Variants in CCDC186 observed in about 807,000 individuals in gnomAD.
CCDC186 encodes coiled-coil domain containing 186.
A neutral mutation model predicts 113.7 loss-of-function variants in CCDC186; 49 were observed. The ratio of observed to expected loss-of-function variants is 0.43; its 90% CI spans 0.34 to 0.55. The LOEUF (loss-of-function observed/expected upper bound fraction) is 0.55. CCDC186 is among the 20% of genes least tolerant of loss of function. The pLI, the probability that CCDC186 is intolerant of heterozygous loss-of-function variation, is 0.02. For synonymous variants in CCDC186, 355 were observed against 345.8 expected, an observed-to-expected ratio of 1.03 and a Z score of -0.30; for missense variants, 890 against 1,011.1, an observed-to-expected ratio of 0.88 and a Z score of 1.62.
At chr10:114,149,067 G>A (rs1394602065) in intron 4 of CCDC186, among the ~76,000 whole-genome samples, 1 of 151,982 alleles carries the variant, frequency 6.6e-6, no homozygotes, top group Non-Finnish European at 1.5e-5. Flanking sequence ...AAGTTAGGGG[G>A]AAAAAAGGAA....
Position 114,162,878 on chromosome 10 carries a change from C to A in CCDC186, c.391G>T (p.Ala131Ser), listed in dbSNP as rs147799223. 4.2e-5 allele frequency: 68 copies of A among 1,613,922 alleles called. No homozygotes were observed. The South Asian group carries it at 5.6e-4, about 13-fold the overall frequency. ...CTTTCTGAATAAGTCTTTTCATTAG[C>A]TGATTCTGGAAATGTAGATGACCTT... ...ELRSSTFPES[A>S]NEKTYSESPY... The change falls in exon 2 of 16, where the codon GCT becomes TCT. Residue 131 changes from alanine to serine, a missense_variant. Physicochemically the swap from Ala to Ser is moderately conservative, Grantham distance 99 (BLOSUM62 1). Transcript: ENST00000369287.
At position 114,121,965 on chromosome 10, in the gene CCDC186, C is replaced by G. The variant is rs548309993; in HGVS notation, c.*3178G>C. ...TAGCTGGGACCCCAGCCATGTGCCA[C>G]TGCATCTGGCTAATTTTTTAATCTT... On this transcript the variant is annotated 3_prime_UTR_variant, in exon 16 of 16. Coordinates refer to ENST00000369287, the MANE Select transcript of CCDC186 (RefSeq NM_018017.4). 1 of 152,434 alleles carries G rather than the reference C, an allele frequency of 6.6e-6. No homozygotes were observed. Among genetic ancestry groups the G allele is most frequent in the South Asian group, 2.1e-4 (1 of 4,826 alleles). The allele number at this position is 152,434 out of a possible 1,614,324, so 9.4% of individuals were successfully genotyped here.
At chr10:114,125,720 T>C (rs988127508) in intron 15 of CCDC186, among the ~76,000 whole-genome samples, 166 bp downstream of exon 15, 2 of 152,154 alleles carry the variant, frequency 1.3e-5, no homozygotes, top group Admixed American at 6.6e-5. Context: ...TTTCCTAATA[T>C]AAAAAACTAT....
chr10:114,167,255 G>A (rs1253028873), intron 1 of CCDC186, among the ~76,000 whole-genome samples: 1 of 151,974 alleles, frequency 6.6e-6, no homozygotes, highest in African/African-American at 2.4e-5. Flanking sequence ...TCTGGACCTC[G>A]TGATCCACCC....
intron 4 of CCDC186, among the ~76,000 whole-genome samples, chr10:114,150,585 A>T (rs543924466): frequency 7.2e-5 from 11 of 152,198 alleles, no homozygotes; most frequent in South Asian, 2.1e-4. Flanking sequence ...TAAAAAAAAA[A>T]TTTTTATTCC....
chr10:114,127,335 G>A (rs77629573), intron 14 of CCDC186, 126 bp downstream of exon 14: 2 of 853,090 alleles, frequency 2.3e-6, no homozygotes, highest in Admixed American at 2.8e-5. Context: ...AAAAGACTGG[G>A]AACTGAATAA....
intron 4 of CCDC186, among the ~76,000 whole-genome samples, chr10:114,148,745 G>C (rs923207297): frequency 1.3e-5 from 2 of 152,208 alleles, no homozygotes; most frequent in African/African-American, 4.8e-5. Context: ...ATTAATATCA[G>C]GCCATGGGAG....
intron 3 of CCDC186, 132 bp from the exon 4 acceptor site, chr10:114,151,352 C>T: frequency 1.3e-6 from 1 of 749,422 alleles, no homozygotes; most frequent in Non-Finnish European, 2.0e-6. Flanking sequence ...GAAATAAAAA[C>T]TTTTAGCAAT....
intron 1 of CCDC186, chr10:114,173,153 T>C (rs2032563223): frequency 4.4e-6 from 2 of 455,198 alleles, no homozygotes; most frequent in South Asian, 3.1e-5. Flanking sequence ...GGGACTGTAC[T>C]GCGTATTTTT....
At chr10:114,161,751 T>C (rs942031109) in intron 2 of CCDC186, 2 of 152,158 alleles carry the variant, frequency 1.3e-5, no homozygotes, top group African/African-American at 2.4e-5. Flanking sequence ...AAGTTCACAG[T>C]AGCATTATTA....
chr10:114,135,157 C>T, intron 9 of CCDC186, 102 bp from the exon 10 acceptor site: 3 of 1,148,748 alleles, frequency 2.6e-6, no homozygotes, highest in Non-Finnish European at 3.5e-6. Flanking sequence ...TTCTAAAGCA[C>T]CATTAACGTG....
intron 1 of CCDC186, chr10:114,173,257 C>G (rs747542823): frequency 8.8e-6 from 4 of 453,892 alleles, no homozygotes; most frequent in African/African-American, 2.0e-5. Context: ...AAATCCAGGA[C>G]TTTTTCCTCT....
chr10:114,128,151 A>G (rs1440439175), intron 13 of CCDC186, among the ~76,000 whole-genome samples: 1 of 152,196 alleles, frequency 6.6e-6, no homozygotes, highest in Non-Finnish European at 1.5e-5. Context: ...TTAAAATGGC[A>G]TAAATGATAT....
At chr10:114,150,876 C>T (rs1451270109) in intron 4 of CCDC186, among the ~76,000 whole-genome samples, 1 of 152,188 alleles carries the variant, frequency 6.6e-6, no homozygotes, top group Non-Finnish European at 1.5e-5. Context: ...GTCTCAAACT[C>T]CTGACCTCAG....
Position 114,162,641 on chromosome 10 carries a change from T to G in CCDC186, c.628A>C (p.Lys210Gln). The stretch of plus-strand genomic sequence containing the variant: ...CTAAAGGTATAAAAAACTTACTTTT[T>G]TATGATATGTTCCTGCTGCAAATAT... ...DKYLQQEHII[K>Q]KLIKENKKHQ... The change falls in exon 2 of 16, where the codon AAA (lysine) becomes CAA (glutamine). Residue 210 changes from lysine (K) to glutamine (Q), a missense_variant. Transcript: ENST00000369287. 1 of 1,551,584 alleles carries G rather than the reference T, an allele frequency of 6.4e-7. No individual in the cohort carries two copies.
chr10:114,134,144 C>T (rs948510093), intron 10 of CCDC186, among the ~76,000 whole-genome samples: 1 of 152,164 alleles, frequency 6.6e-6, no homozygotes, highest in Non-Finnish European at 1.5e-5. Flanking sequence ...GTTCATGGGA[C>T]TGATGGCAAA....
Position 114,134,818 on chromosome 10 carries a change from ATT to A in CCDC186, c.1655+93_1655+94del, listed in dbSNP as rs541428780. On this transcript the variant is annotated intron_variant, in intron 10 of 15. Transcript: ENST00000369287. Reference sequence around the variant, plus strand: ...AAATTTCAGCTAGTAAAATTGTAAAATTTTTTGTTTAATGCAATAACTGCATT... The same window carrying A: ...AAATTTCAGCTAGTAAAATTGTAAAATTTTGTTTAATGCAATAACTGCATT... 105 of 1,403,974 alleles carry A rather than the reference ATT, an allele frequency of 7.5e-5. No individual in the cohort carries two copies. The African/African-American group carries it at 1.3e-3, about 18-fold the overall frequency. 87.0% of individuals were successfully genotyped at this position (1,403,974 alleles called of 1,614,324 possible). A position where few individuals can be genotyped will look rare whatever the true frequency, so the allele number is the denominator to read the frequency against.
In CCDC186 at chr10:114,133,687, AGAT is replaced by A. The variant is rs552865795; in HGVS notation, c.1655+1223_1655+1225del. ...GACAACTGAATTCGACAGTGTTAAA[AGAT>A]GATAAGAATTCAAGCAAGGGTGGGT... On this transcript the variant is annotated intron_variant, in intron 10 of 15. Coordinates refer to ENST00000369287, the MANE Select transcript of CCDC186 (RefSeq NM_018017.4). 2.6e-5 allele frequency among the ~76,000 whole-genome samples: 4 copies of A among 152,334 alleles called. No individual in the cohort carries two copies. In the South Asian group the frequency reaches 8.3e-4, roughly 32 times the overall value.
chr10:114,142,983 A>G (rs1053968255), intron 6 of CCDC186, among the ~76,000 whole-genome samples: 2 of 152,226 alleles, frequency 1.3e-5, no homozygotes, highest in Non-Finnish European at 2.9e-5. Context: ...ACTCTTTGAA[A>G]GTAACGACTG....
Sources: allele counts gnomAD v4.1 joint callset (sites outside exome capture counted in the v4.1 genomes callset), GRCh38; gene constraint gnomAD v4.1.1; transcripts MANE v1.5; gene names NCBI Gene and HGNC (gene_info 2026-07-23, HGNC 2026-07-21).